C12orf42: variants seen among roughly 807,000 people sequenced by gnomAD.
The protein encoded by C12orf42 is chromosome 12 open reading frame 42, also known as uncharacterized protein C12orf42.
In C12orf42, 25 loss-of-function variants were observed where a neutral mutation model predicts 21.6. The observed-to-expected ratio is 1.16, with a 90% CI of 0.84 to 1.62. The LOEUF is 1.62. C12orf42 is among the 40% of genes most tolerant of loss of function. The pLI is 0.00. For missense variants in C12orf42, 483 were observed against 459.3 expected, an observed-to-expected ratio of 1.05 and a Z score of -0.47; for synonymous variants, 174 against 175.0, an observed-to-expected ratio of 0.99 and a Z score of 0.05.
chr12:103,497,696 A>G (rs1426252980), upstream of C12orf42, among the ~76,000 whole-genome samples: 1 of 152,182 alleles, frequency 6.6e-6, no homozygotes, highest in Admixed American at 6.5e-5. Context: ...AAAGATCCCC[A>G]TCCCTGTAGA....
At chr12:103,145,269 G>A in the C12orf42 span, among the ~76,000 whole-genome samples, 1 of 152,044 alleles carries the variant, frequency 6.6e-6, no homozygotes, top group Non-Finnish European at 1.5e-5. Context: ...ACTCCACAAA[G>A]GTAATTCTTA....
intron 4 of C12orf42, among the ~76,000 whole-genome samples, chr12:103,358,611 C>CAA (rs374012651): frequency 2.9e-5 from 4 of 136,808 alleles, no homozygotes; most frequent in African/African-American, 8.0e-5. Context: ...TGTTTCAAAC[C>CAA]AAAAAAAAAA....
chr12:103,550,273 C>T, the C12orf42 span, among the ~76,000 whole-genome samples: 2 of 152,026 alleles, frequency 1.3e-5, no homozygotes, highest in Admixed American at 1.3e-4. Flanking sequence ...TCACTTAATT[C>T]AGAATAAAAC....
intron 2 of C12orf42, among the ~76,000 whole-genome samples, chr12:103,439,809 G>T (rs1461911717): frequency 1.3e-5 from 2 of 150,408 alleles, no homozygotes; most frequent in Non-Finnish European, 3.0e-5. Context: ...CACTGTTGGT[G>T]GGACTGTAAA....
the C12orf42 span, among the ~76,000 whole-genome samples, chr12:103,124,905 GTA>G: frequency 6.6e-6 from 1 of 152,158 alleles, no homozygotes; most frequent in African/African-American, 2.4e-5. Flanking sequence ...AGTGCTAAGA[GTA>G]TGCAGTTGAT....
chr12:103,532,730 T>TGG, the C12orf42 span, among the ~76,000 whole-genome samples: 1 of 152,232 alleles, frequency 6.6e-6, no homozygotes, highest in Non-Finnish European at 1.5e-5. Flanking sequence ...CTGTGTCATT[T>TGG]GCATGATATG....
At chr12:103,252,773 C>T (rs181100574) in intron 10 of C12orf42, among the ~76,000 whole-genome samples, 4 of 152,112 alleles carry the variant, frequency 2.6e-5, no homozygotes, top group East Asian at 1.9e-4. Flanking sequence ...CTCTGATGAT[C>T]GGTTCTTTTG....
At chr12:103,360,625 T>C (rs1003212314) in intron 4 of C12orf42, among the ~76,000 whole-genome samples, 9 of 148,546 alleles carry the variant, frequency 6.1e-5, no homozygotes, top group African/African-American at 2.2e-4. Flanking sequence ...ATAGTGGCAA[T>C]TATTTTCTCT....
chr12:103,236,759 T>G (rs1239130199), downstream of C12orf42, among the ~76,000 whole-genome samples: 1 of 152,244 alleles, frequency 6.6e-6, no homozygotes, highest in Admixed American at 6.5e-5. Flanking sequence ...TGAACCTGCT[T>G]TTTTGTGTGA....
chr12:103,324,021 C>T (rs1371140177), intron 4 of C12orf42, among the ~76,000 whole-genome samples: 1 of 152,088 alleles, frequency 6.6e-6, no homozygotes, highest in Non-Finnish European at 1.5e-5. Context: ...TTTCCCACAT[C>T]CTCTTTAACA....
chr12:103,409,328 C>A (rs1279281160), intron 2 of C12orf42, among the ~76,000 whole-genome samples: 1 of 152,214 alleles, frequency 6.6e-6, no homozygotes, highest in African/African-American at 2.4e-5. Context: ...CCTGTCATGA[C>A]TTTCTGACCC....
chr12:103,272,252 AT>A (rs2035515596), intron 5 of C12orf42, among the ~76,000 whole-genome samples: 2 of 152,322 alleles, frequency 1.3e-5, no homozygotes, highest in East Asian at 3.9e-4. Flanking sequence ...GGTCTCTAGC[AT>A]CATAATTATG....
At chr12:103,147,229 T>G in the C12orf42 span, among the ~76,000 whole-genome samples, 1 of 152,214 alleles carries the variant, frequency 6.6e-6, no homozygotes, top group African/African-American at 2.4e-5. Flanking sequence ...GTGCTGTGGT[T>G]AAAATTAAGT....
chr12:103,417,688 A>T (rs1468418944), intron 2 of C12orf42, among the ~76,000 whole-genome samples: 1 of 152,204 alleles, frequency 6.6e-6, no homozygotes, highest in Non-Finnish European at 1.5e-5. Context: ...ATTATTTTTG[A>T]ATCCTCTCAG....
At chr12:103,077,503 G>A in the C12orf42 span, among the ~76,000 whole-genome samples, 1 of 152,280 alleles carries the variant, frequency 6.6e-6, no homozygotes, top group African/African-American at 2.4e-5. Context: ...CACCTAACAA[G>A]TAAATAGTGA....
At chr12:103,153,638 C>T in the C12orf42 span, among the ~76,000 whole-genome samples, 1 of 151,872 alleles carries the variant, frequency 6.6e-6, no homozygotes, top group Non-Finnish European at 1.5e-5. Flanking sequence ...ACTAGGATGA[C>T]CAAAATAAAA....
chr12:103,142,177 T>C, the C12orf42 span, among the ~76,000 whole-genome samples: 2 of 152,214 alleles, frequency 1.3e-5, no homozygotes, highest in East Asian at 3.8e-4. Context: ...TGTTATTTCA[T>C]TGATGTTATT....
the C12orf42 span, among the ~76,000 whole-genome samples, chr12:103,169,109 T>A: frequency 6.6e-6 from 1 of 151,806 alleles, no homozygotes; most frequent in Non-Finnish European, 1.5e-5. Flanking sequence ...TGTATACCTA[T>A]GTAACAAATC....
chr12:103,329,643 T>C (rs923299564), intron 4 of C12orf42, among the ~76,000 whole-genome samples: 1 of 145,652 alleles, frequency 6.9e-6, no homozygotes, highest in Non-Finnish European at 1.5e-5. Context: ...CCAAAGAGAC[T>C]CAACTAAATG....
Sources: allele counts gnomAD v4.1 joint callset (sites outside exome capture counted in the v4.1 genomes callset), GRCh38; gene constraint gnomAD v4.1.1; transcripts MANE v1.5; gene names NCBI Gene and HGNC (gene_info 2026-07-23, HGNC 2026-07-21).